Variants in UBE2V2 observed in about 807,000 individuals in gnomAD.
The protein encoded by UBE2V2 is ubiquitin conjugating enzyme E2 V2.
Under a neutral mutation model 17.2 loss-of-function variants are expected in UBE2V2, and 9 were observed. The ratio of observed to expected loss-of-function variants is 0.52; its 90% confidence interval spans 0.32 to 0.91. The LOEUF is 0.91. Among genes scored for constraint, UBE2V2 ranks in the 40% least tolerant of loss-of-function variants. The pLI is 0.04. For synonymous variants in UBE2V2, 61 were observed against 57.5 expected (o/e 1.06, Z -0.28); for missense variants, 133 against 182.6 (o/e 0.73, Z 1.56).
chr8:48,061,477 T>C lies in UBE2V2; in HGVS notation c.*649T>C, dbSNP rs980095510. 4.6e-5 allele frequency: 7 copies of C among 152,650 alleles called. No homozygotes were observed. Among genetic ancestry groups the C allele is most frequent in the African/African-American group, 1.7e-4 (7 of 41,464 alleles). The allele number at this position is 152,650 out of a possible 1,614,324, so 9.5% of individuals were successfully genotyped here. On this transcript the variant is annotated 3_prime_UTR_variant, in exon 4 of 4. Transcript: ENST00000523111. Reference sequence around the variant, plus strand: ...AACAAACCATGCATTTAAGTTTAAGTGAAGTCAACAAAAAGGAAATAGGTG... The same window carrying C: ...AACAAACCATGCATTTAAGTTTAAGCGAAGTCAACAAAAAGGAAATAGGTG...
intron 1 of UBE2V2, among the ~76,000 whole-genome samples, chr8:48,017,657 G>A (rs1589850829): frequency 6.6e-6 from 1 of 152,046 alleles, no homozygotes; most frequent in African/African-American, 2.4e-5. Flanking sequence ...ACAGGCGAGA[G>A]CCACCGCGCC....
At chr8:48,012,826 A>G (rs911122950) in intron 1 of UBE2V2, among the ~76,000 whole-genome samples, 5 of 152,150 alleles carry the variant, frequency 3.3e-5, no homozygotes, top group Non-Finnish European at 7.3e-5. Context: ...TGCACCTCAC[A>G]TTCAGTTTTC....
chr8:48,018,489 A>G (rs1192905582), intron 1 of UBE2V2, among the ~76,000 whole-genome samples: 1 of 152,138 alleles, frequency 6.6e-6, no homozygotes, highest in Non-Finnish European at 1.5e-5. Context: ...AATGATTTCT[A>G]GTTTTATACC....
At chr8:48,025,925 T>TA in intron 1 of UBE2V2, among the ~76,000 whole-genome samples, 1 of 152,240 alleles carries the variant, frequency 6.6e-6, no homozygotes, top group African/African-American at 2.4e-5. Flanking sequence ...GAGGTTTATC[T>TA]AAGGGAGGCG....
chr8:48,027,126 A>T (rs960404653), intron 1 of UBE2V2, among the ~76,000 whole-genome samples: 11 of 152,126 alleles, frequency 7.2e-5, no homozygotes, highest in African/African-American at 2.7e-4. Flanking sequence ...CTTGGATGCC[A>T]CGTAGCTTGG....
chr8:48,008,559 G>T, intron 1 of UBE2V2, 89 bp downstream of exon 1: 1 of 1,482,194 alleles, frequency 6.7e-7, no homozygotes, highest in Non-Finnish European at 8.9e-7. Context: ...CTGACCGTGC[G>T]GGAGAAGCCC....
chr8:48,001,902 C>A, the UBE2V2 span, among the ~76,000 whole-genome samples: 4 of 152,106 alleles, frequency 2.6e-5, no homozygotes, highest in African/African-American at 9.7e-5. Flanking sequence ...CCAGCCTGAC[C>A]AACATAGTGA....
intron 1 of UBE2V2, among the ~76,000 whole-genome samples, chr8:48,010,546 C>T (rs879942309): frequency 1.5e-4 from 22 of 150,106 alleles, no homozygotes; most frequent in Non-Finnish European, 2.8e-4. Context: ...GGACAACAGG[C>T]GCGTGCCACC....
chr8:48,022,962 C>T (rs2091315828), intron 1 of UBE2V2, among the ~76,000 whole-genome samples: 1 of 151,698 alleles, frequency 6.6e-6, no homozygotes, highest in Admixed American at 6.6e-5. Flanking sequence ...TCATCTCACT[C>T]TCCCCTGGCC....
the UBE2V2 span, among the ~76,000 whole-genome samples, chr8:48,002,992 A>AT: frequency 6.6e-6 from 1 of 152,152 alleles, no homozygotes; most frequent in East Asian, 1.9e-4. Flanking sequence ...AAGGCGAATC[A>AT]TGAGGTCAAG....
chr8:48,048,941 A>G (rs566835446), intron 2 of UBE2V2, among the ~76,000 whole-genome samples: 3 of 151,304 alleles, frequency 2.0e-5, no homozygotes, highest in Non-Finnish European at 4.4e-5. Flanking sequence ...CTTTAAAACA[A>G]TTTTTTTTTC....
chr8:48,043,831 A>G (rs1589862258), intron 2 of UBE2V2, among the ~76,000 whole-genome samples: 1 of 151,754 alleles, frequency 6.6e-6, no homozygotes, highest in African/African-American at 2.4e-5. Flanking sequence ...TTTTTCTAGT[A>G]TGGTTGGCAA....
At position 48,061,412 on chromosome 8, in the gene UBE2V2, TGTAACAGACATG is replaced by T. The variant is rs1802589729; in HGVS notation, c.*589_*600del. 1 of 152,646 alleles carries T rather than the reference TGTAACAGACATG, an allele frequency of 6.6e-6. No individual in the cohort carries two copies. Among genetic ancestry groups the T allele is most frequent in the Non-Finnish European group, 1.5e-5 (1 of 68,036 alleles). 9.5% of individuals were successfully genotyped at this position (152,646 alleles called of 1,614,324 possible). A position where few individuals can be genotyped will look rare whatever the true frequency, so the allele number is the denominator to read the frequency against. ...TTAAAAGCTGTTCTTGTGTGTTACA[TGTAACAGACATG>T]GTAAATATTTGTTTACAGTCTTTGT... On this transcript the variant is annotated 3_prime_UTR_variant, in exon 4 of 4. Coordinates refer to ENST00000523111, the MANE Select transcript of UBE2V2 (RefSeq NM_003350.3).
At chr8:48,020,592 G>A (rs2091298113) in intron 1 of UBE2V2, among the ~76,000 whole-genome samples, 1 of 152,012 alleles carries the variant, frequency 6.6e-6, no homozygotes, top group Non-Finnish European at 1.5e-5. Flanking sequence ...GGTCTTCTTT[G>A]GTGGTTGATT....
At chr8:48,001,904 AC>A in the UBE2V2 span, among the ~76,000 whole-genome samples, 1 of 152,204 alleles carries the variant, frequency 6.6e-6, no homozygotes, top group African/African-American at 2.4e-5. Flanking sequence ...AGCCTGACCA[AC>A]ATAGTGAAAC....
intron 3 of UBE2V2, among the ~76,000 whole-genome samples, chr8:48,053,699 T>A (rs2091554162): frequency 6.6e-6 from 1 of 151,886 alleles, no homozygotes. Flanking sequence ...GTGCTGAGAT[T>A]ACAGGCGTGA....
At chr8:48,039,700 A>G (rs1227471132) in intron 1 of UBE2V2, among the ~76,000 whole-genome samples, 1 of 152,118 alleles carries the variant, frequency 6.6e-6, no homozygotes, top group East Asian at 1.9e-4. Context: ...TCATATTGGT[A>G]AAGTGTTCCA....
chr8:48,056,298 C>T (rs1314211904), intron 3 of UBE2V2, among the ~76,000 whole-genome samples: 1 of 152,086 alleles, frequency 6.6e-6, no homozygotes, highest in African/African-American at 2.4e-5. Flanking sequence ...ATCATGAATA[C>T]TGTTGCTATG....
intron 1 of UBE2V2, among the ~76,000 whole-genome samples, chr8:48,027,431 G>T (rs2091353032): frequency 6.6e-6 from 1 of 152,086 alleles, no homozygotes; most frequent in Non-Finnish European, 1.5e-5. Context: ...ATCTCATTGT[G>T]GTTTTGATTT....
Sources: allele counts gnomAD v4.1 joint callset (sites outside exome capture counted in the v4.1 genomes callset), GRCh38; gene constraint gnomAD v4.1.1; transcripts MANE v1.5; gene names NCBI Gene and HGNC (gene_info 2026-07-23, HGNC 2026-07-21).